NUP98: variants seen among roughly 807,000 people sequenced by gnomAD.
NUP98 encodes nucleoporin 98 and 96 precursor, also known as nuclear pore complex protein Nup98-Nup96.
A neutral mutation model predicts 191.9 loss-of-function variants in NUP98; 26 were observed. The observed-to-expected ratio is 0.14, with a 90% CI of 0.10 to 0.19. NUP98 has a LOEUF of 0.19. Ranked by LOEUF, NUP98 falls within the 10% of genes least tolerant of loss-of-function variation. The probability of loss-of-function intolerance (pLI) is 1.00; values close to 1 mark genes in which losing one functional copy is unlikely to be tolerated. For synonymous variants in NUP98, 808 were observed against 778.4 expected, an observed-to-expected ratio of 1.04 and a Z score of -0.63; for missense variants, 1,941 against 2,178.8, an observed-to-expected ratio of 0.89 and a Z score of 2.17.
intron 1 of NUP98, among the ~76,000 whole-genome samples, chr11:3,787,511 A>G (rs569365998): frequency 6.6e-6 from 1 of 152,276 alleles, no homozygotes; most frequent in Non-Finnish European, 1.5e-5. Context: ...CGAACCCGGA[A>G]GGCAGAGGTT....
At position 3,777,494 on chromosome 11, in the gene NUP98, G is replaced by A. The variant is rs531065589; in HGVS notation, c.355+1379C>T. Among the ~76,000 whole-genome samples, 18 of 151,894 alleles carry A rather than the reference G, an allele frequency of 1.2e-4. No individual in the cohort carries two copies. The East Asian group carries it at 2.7e-3, about 23-fold the overall frequency. ...AAATTAGCCAGGCGTGATGGCGGGC[G>A]CCTGTAGGCCCAACTACTCGGGAGG... On this transcript the variant is annotated intron_variant, in intron 4 of 32. Coordinates refer to ENST00000324932, the MANE Select transcript of NUP98 (RefSeq NM_016320.5).
intron 8 of NUP98, among the ~76,000 whole-genome samples, chr11:3,764,602 T>C (rs2081277600): frequency 6.6e-6 from 1 of 152,162 alleles, no homozygotes. Context: ...TTGTTTTTGT[T>C]GAGTCTCACA....
Position 3,733,782 on chromosome 11 carries a change from A to G in NUP98, c.1542+1409T>C, listed in dbSNP as rs571729510. On this transcript the variant is annotated intron_variant, in intron 13 of 32. Coordinates refer to ENST00000324932, the MANE Select transcript of NUP98 (RefSeq NM_016320.5). ...ATTACCACATACACTCTACTGAACC[A>G]GTGTAAACTTAAGTGCTTGTATGTC... is the stretch of plus-strand genomic sequence containing the variant. Among the ~76,000 whole-genome samples, 7 of 152,344 alleles carry G rather than the reference A, an allele frequency of 4.6e-5. No individual in the cohort carries two copies. The South Asian group carries it at 1.4e-3, about 32-fold the overall frequency.
intron 19 of NUP98, among the ~76,000 whole-genome samples, chr11:3,713,227 T>C (rs764717014): frequency 1.3e-5 from 2 of 152,220 alleles, no homozygotes; most frequent in African/African-American, 2.4e-5. Flanking sequence ...GATGAATTAC[T>C]GAAGTCCCTA....
At chr11:3,720,139 G>T (rs996465605) in intron 17 of NUP98, among the ~76,000 whole-genome samples, 1 of 152,062 alleles carries the variant, frequency 6.6e-6, no homozygotes, top group Non-Finnish European at 1.5e-5. Flanking sequence ...CTATAATGAC[G>T]CTATATAAAC....
At chr11:3,710,669 T>C (rs1255610145) in intron 20 of NUP98, among the ~76,000 whole-genome samples, 1 of 152,140 alleles carries the variant, frequency 6.6e-6, no homozygotes, top group African/African-American at 2.4e-5. Context: ...GCACAAGTAG[T>C]TTCCCCATGC....
Position 3,702,781 on chromosome 11 carries a change from G to A in NUP98, c.3194C>T (p.Thr1065Ile). Reference sequence around the variant, plus strand: ...GGGTGGAGGGACAGACCAAGAGGATGTGGATGGGATATTCATTAAAGATGC... The same window carrying A: ...GGGTGGAGGGACAGACCAAGAGGATATGGATGGGATATTCATTAAAGATGC... ...RAASLMNIPS[T>I]SSWSVPPPLT... The change falls in exon 23 of 33, where the codon ACA (threonine) becomes ATA (isoleucine). Residue 1065 changes from threonine to isoleucine, a missense_variant. Thr to Ile is a moderately conservative substitution (Grantham distance 89). Coordinates refer to ENST00000324932, the MANE Select transcript of NUP98 (RefSeq NM_016320.5). 1 of 1,614,176 alleles carries A rather than the reference G, an allele frequency of 6.2e-7. No homozygotes were observed. The highest frequency in any genetic ancestry group is 1.1e-5 in the South Asian group (1 of 91,086).
intron 1 of NUP98, among the ~76,000 whole-genome samples, chr11:3,789,928 G>C (rs1246394506): frequency 6.6e-6 from 1 of 152,076 alleles, no homozygotes; most frequent in African/African-American, 2.4e-5. Context: ...GGGACTACAG[G>C]CACCCACCAC....
At position 3,691,478 on chromosome 11, in the gene NUP98, G is replaced by A; in HGVS notation, c.4323C>T (p.Asp1441=). ...GTGGGGAGCAGGCATATCTGTCACTGTCAGAGGTATTCTGAAGGAATAATT... is the reference window on the plus strand; with the variant it reads ...GTGGGGAGCAGGCATATCTGTCACTATCAGAGGTATTCTGAAGGAATAATT... ...MYEEAFQNTS[D]SDRYACSPLP... Residue 1441 remains aspartate, a synonymous_variant, in exon 28 of 33, where the codon GAC becomes GAT. Transcript: ENST00000324932. The A allele has an allele frequency of 6.2e-7, 1 of 1,614,122 alleles. No individual in the cohort carries two copies. The highest frequency in any genetic ancestry group is 8.5e-7 in the Non-Finnish European group (1 of 1,180,008).
chr11:3,783,061 C>A (rs1439356583), intron 1 of NUP98, among the ~76,000 whole-genome samples: 1 of 152,180 alleles, frequency 6.6e-6, no homozygotes, highest in Non-Finnish European at 1.5e-5. Flanking sequence ...TATCTATCTT[C>A]TACTTCTAAG....
chr11:3,769,173 A>G (rs2081435500), intron 7 of NUP98, among the ~76,000 whole-genome samples: 1 of 152,194 alleles, frequency 6.6e-6, no homozygotes, highest in South Asian at 2.1e-4. Flanking sequence ...ACCTGTAATA[A>G]CAACATTTTG....
intron 22 of NUP98, 99 bp from the exon 23 acceptor site, chr11:3,702,991 A>G (rs1485957661): frequency 2.0e-6 from 2 of 1,005,908 alleles, no homozygotes; most frequent in Non-Finnish European, 2.9e-6. Context: ...AAATCATTCA[A>G]TGTTTAATCA....
chr11:3,684,538 A>G (rs1307988953), intron 29 of NUP98, among the ~76,000 whole-genome samples: 1 of 152,152 alleles, frequency 6.6e-6, no homozygotes, highest in Non-Finnish European at 1.5e-5. Flanking sequence ...CATCCTATCA[A>G]GCCAGTCTTT....
In NUP98 at chr11:3,693,451, A is replaced by C. The variant is rs768872488; in HGVS notation, c.4168-76T>G. On this transcript the variant is annotated intron_variant, in intron 26 of 32. Transcript: ENST00000324932. ...TGTGTGTGCAATAACACTGAAGTGA[A>C]TATTCACTTATTCAAGGAACATTTT... 121 of 1,390,256 alleles carry C rather than the reference A, an allele frequency of 8.7e-5. 2 individuals are homozygous for C. Among genetic ancestry groups the C allele is most frequent in the Non-Finnish European group, 1.1e-4 (108 of 998,564 alleles). 86.1% of individuals were successfully genotyped at this position (1,390,256 alleles called of 1,614,324 possible).
At chr11:3,703,544 T>C (rs2078773091) in intron 22 of NUP98, among the ~76,000 whole-genome samples, 1 of 152,168 alleles carries the variant, frequency 6.6e-6, no homozygotes, top group South Asian at 2.1e-4. Context: ...TTAGCATTAT[T>C]ATCATTCCTA....
At chr11:3,751,358 C>G (rs2080743760) in intron 11 of NUP98, among the ~76,000 whole-genome samples, 1 of 151,346 alleles carries the variant, frequency 6.6e-6, no homozygotes, top group South Asian at 2.1e-4. Context: ...AACTCCGACT[C>G]AAAAAACAAA....
intron 1 of NUP98, among the ~76,000 whole-genome samples, chr11:3,795,940 T>C (rs1025218142): frequency 6.6e-6 from 1 of 152,234 alleles, no homozygotes; most frequent in Non-Finnish European, 1.5e-5. Flanking sequence ...CAGAACCAAG[T>C]GTCAACTAAT....
intron 20 of NUP98, chr11:3,712,003 A>T (rs2079034181): frequency 9.5e-7 from 1 of 1,048,624 alleles, no homozygotes; most frequent in South Asian, 4.6e-5. Context: ...TAAACAATGT[A>T]GGCCCTAATC....
chr11:3,736,417 A>G (rs1305882100), intron 12 of NUP98, among the ~76,000 whole-genome samples: 2 of 152,170 alleles, frequency 1.3e-5, no homozygotes, highest in Non-Finnish European at 2.9e-5. Flanking sequence ...CAGCACTGGG[A>G]GGTCGTGGCG....
Sources: allele counts gnomAD v4.1 joint callset (sites outside exome capture counted in the v4.1 genomes callset), GRCh38; gene constraint gnomAD v4.1.1; transcripts MANE v1.5; gene names NCBI Gene and HGNC (gene_info 2026-07-23, HGNC 2026-07-21).